Variants in AFF2 observed in about 807,000 individuals in gnomAD.
AFF2 encodes ALF transcription elongation factor 2.
AFF2 carries 14 observed loss-of-function variants against 76.9 expected under a neutral mutation model. That is an observed-to-expected ratio of 0.18 (90% confidence interval 0.12 to 0.28). AFF2 has a LOEUF of 0.28. Ranked by LOEUF, AFF2 falls within the 10% of genes least tolerant of loss-of-function variation. The pLI is 1.00. For synonymous variants in AFF2, 398 were observed against 366.7 expected (o/e 1.09, Z -0.98); for missense variants, 868 against 1,001.1 (o/e 0.87, Z 1.79).
At position 148,504,289 on chromosome X, in the gene AFF2, T is replaced by TGGAA. The variant is rs782714335; in HGVS notation, c.47+3154_47+3157dup. Among the ~76,000 whole-genome samples, 42 of 110,210 alleles carry TGGAA rather than the reference T, an allele frequency of 3.8e-4. 3 individuals carry two copies. The highest frequency in any genetic ancestry group is 2.8e-3 in the Admixed American group (29 of 10,376). On this transcript the variant is annotated intron_variant, in intron 1 of 20. Transcript: ENST00000370460. ...GTGGGGATGCTTACCTTTTCTTCAT[T>TGGAA]GGAAGGAAGGAAAGGAAAGAAAAGA...
chrX:148,733,177 T>G (rs1390038680), intron 3 of AFF2, among the ~76,000 whole-genome samples: 3 of 111,832 alleles, frequency 2.7e-5, no homozygotes, highest in African/African-American at 9.7e-5. Flanking sequence ...TAAAAATTAG[T>G]TATTTTGACT....
intron 16 of AFF2, among the ~76,000 whole-genome samples, chrX:148,975,740 C>A (rs1421989306): frequency 9.5e-6 from 1 of 105,637 alleles, no homozygotes; most frequent in Admixed American, 1.0e-4. Flanking sequence ...GTCAGGAGAT[C>A]GAGACCATCC....
At position 148,662,183 on chromosome X, in the gene AFF2, C is replaced by T. The variant is rs782335283; in HGVS notation, c.456C>T (p.Asn152=). Residue 152 remains asparagine, a synonymous_variant, in exon 3 of 21, where the codon AAC becomes AAT. Coordinates refer to ENST00000370460, the MANE Select transcript of AFF2 (RefSeq NM_002025.4). ...TGAATTCAACTCTAATACACAGCAA[C>T]AGAAAATCAAAACCTGAGTGGTCAC... ...VILNSTLIHS[N]RKSKPEWSRD... is the part of the protein sequence containing the mutation. 4 of 1,211,079 alleles carry T rather than the reference C, an allele frequency of 3.3e-6. No individual in the cohort carries two copies. The South Asian group carries it at 7.0e-5, about 21-fold the overall frequency.
In AFF2 at chrX:148,875,049, A is replaced by C. The variant is rs1352552321; in HGVS notation, c.1263-10840A>C. 3.6e-5 allele frequency among the ~76,000 whole-genome samples: 4 copies of C among 112,126 alleles called. 1 individual carries two copies. The Middle Eastern group carries it at 0.014, about 384-fold the overall frequency. On this transcript the variant is annotated intron_variant, in intron 7 of 20. Coordinates refer to ENST00000370460, the MANE Select transcript of AFF2 (RefSeq NM_002025.4). ...GCCATTAAATTATTTCAGTCCCGTT[A>C]CTCAAAATGTTCAGAAAATTCCTCT...
chrX:148,878,614 C>T (rs1186102035), intron 7 of AFF2, among the ~76,000 whole-genome samples: 1 of 111,712 alleles, frequency 9.0e-6, no homozygotes, highest in African/African-American at 3.3e-5. Flanking sequence ...TGACTTGTAC[C>T]GCCCTACCAA....
chrX:148,973,462 C>T lies in AFF2; in HGVS notation c.3268-9C>T. 1 of 1,210,715 alleles carries T rather than the reference C, an allele frequency of 8.3e-7. No homozygotes were observed. The highest frequency in any genetic ancestry group is 1.1e-6 in the Non-Finnish European group (1 of 894,799). ...AGTATTATCTTGACGAGTCATCTTC[C>T]TGTTTCAGTTCGAGAAATTTGGCAA... On this transcript the variant is annotated splice_polypyrimidine_tract_variant and intron_variant, in intron 15 of 20. Transcript: ENST00000370460.
chrX:148,653,596 T>G (rs2054223637), intron 2 of AFF2, among the ~76,000 whole-genome samples: 1 of 111,693 alleles, frequency 9.0e-6, no homozygotes, highest in African/African-American at 3.3e-5. Flanking sequence ...ATGAACAGTT[T>G]AGAATGATGA....
At chrX:148,520,234 C>G (rs782285290) in intron 1 of AFF2, among the ~76,000 whole-genome samples, 3 of 112,228 alleles carry the variant, frequency 2.7e-5, no homozygotes, top group Non-Finnish European at 5.6e-5. Context: ...AAATGAAATA[C>G]ATGTGTTTCT....
intron 1 of AFF2, among the ~76,000 whole-genome samples, chrX:148,581,521 T>C (rs1409163672): frequency 1.0e-5 from 1 of 99,816 alleles, no homozygotes; most frequent in Non-Finnish European, 2.0e-5. Flanking sequence ...TACGTCTACG[T>C]GTACACACAT....
chrX:148,870,235 GCTGA>G (rs782745206), intron 7 of AFF2, among the ~76,000 whole-genome samples: 7 of 111,885 alleles, frequency 6.3e-5, no homozygotes, highest in African/African-American at 9.8e-5. Flanking sequence ...GACTTAGGGA[GCTGA>G]CTAAGAGTCA....
intron 8 of AFF2, among the ~76,000 whole-genome samples, chrX:148,894,538 A>G (rs1466942034): frequency 8.9e-6 from 1 of 111,842 alleles, no homozygotes; most frequent in Non-Finnish European, 1.9e-5. Context: ...ACTTTCCAAA[A>G]TGTATGGGGC....
At chrX:148,626,200 C>T (rs2053924126) in intron 1 of AFF2, among the ~76,000 whole-genome samples, 1 of 110,569 alleles carries the variant, frequency 9.0e-6, no homozygotes, top group African/African-American at 3.3e-5. Flanking sequence ...GTGGTATTGT[C>T]TTAGAGCAGC....
At chrX:148,927,545 A>G (rs1286760119) in intron 9 of AFF2, among the ~76,000 whole-genome samples, 1 of 110,677 alleles carries the variant, frequency 9.0e-6, no homozygotes, top group Non-Finnish European at 1.9e-5. Context: ...CTATAGTCTC[A>G]TTAGACTGTA....
chrX:148,709,454 A>T (rs1055854591), intron 3 of AFF2, among the ~76,000 whole-genome samples: 2 of 112,096 alleles, frequency 1.8e-5, no homozygotes, highest in Non-Finnish European at 1.9e-5. Flanking sequence ...ACCAAGGGAA[A>T]AACACAATAT....
chrX:148,885,978 T>C lies in AFF2; in HGVS notation c.1352T>C (p.Leu451Pro), dbSNP rs1557279052. The change falls in exon 8 of 21, where the codon CTC becomes CCC. Residue 451 changes from leucine to proline, a missense_variant. Transcript: ENST00000370460. ...ACCACTCAGTGCACTGCCACTGAGC[T>C]CTACCAGGTTAGAAGAGCTTAGGGC... ...TLTTQCTATE[L>P]YQAVEKAKPR... The C allele has an allele frequency of 8.4e-7, 1 of 1,196,750 alleles. No individual in the cohort carries two copies. The highest frequency in any genetic ancestry group is 1.1e-6 in the Non-Finnish European group (1 of 883,832).
chrX:148,976,974 G>T (rs782396677), intron 16 of AFF2, among the ~76,000 whole-genome samples: 1 of 112,309 alleles, frequency 8.9e-6, no homozygotes, highest in Non-Finnish European at 1.9e-5. Flanking sequence ...CGAGTCTCAG[G>T]GGGTGAGCCT....
At chrX:148,738,102 G>C (rs1557265272) in intron 3 of AFF2, among the ~76,000 whole-genome samples, 1 of 111,171 alleles carries the variant, frequency 9.0e-6, no homozygotes, top group African/African-American at 3.3e-5. Context: ...TCCTTTCCTG[G>C]TTTTAGTATT....
At chrX:148,897,247 A>G (rs868930750) in intron 8 of AFF2, among the ~76,000 whole-genome samples, 1 of 36,036 alleles carries the variant, frequency 2.8e-5, no homozygotes, top group African/African-American at 1.1e-4. Flanking sequence ...ATATATATAT[A>G]TATATATATA....
At chrX:148,803,853 C>G (rs188903911) in intron 3 of AFF2, among the ~76,000 whole-genome samples, 11 of 110,756 alleles carry the variant, frequency 9.9e-5, no homozygotes, top group African/African-American at 3.6e-4. Context: ...CATTCCCACT[C>G]TCCCTTATCT....
Sources: gnomAD v4.1 joint callset for allele counts (sites outside exome capture counted in the v4.1 genomes callset) on GRCh38, gnomAD v4.1.1 for gene constraint, MANE v1.5 for transcripts, NCBI Gene and HGNC (gene_info 2026-07-23, HGNC 2026-07-21) for gene names.